The following ACSS3 variants were observed in gnomAD, a reference collection of about 807,000 sequenced individuals.
ACSS3 encodes acyl-CoA synthetase short chain family member 3.
In ACSS3, 64 loss-of-function variants were observed where a neutral mutation model predicts 84.2. The observed-to-expected ratio is 0.76, with a 90% CI of 0.62 to 0.94. The LOEUF (loss-of-function observed/expected upper bound fraction) is 0.94. Ranked by LOEUF, ACSS3 falls within the 40% of genes least tolerant of loss-of-function variation. The probability of loss-of-function intolerance (pLI) is 0.00; values close to 1 mark genes in which losing one functional copy is unlikely to be tolerated. For synonymous variants in ACSS3, 317 were observed against 310.1 expected, an observed-to-expected ratio of 1.02 and a Z score of -0.23; for missense variants, 815 against 867.6, an observed-to-expected ratio of 0.94 and a Z score of 0.76.
intron 7 of ACSS3, among the ~76,000 whole-genome samples, chr12:81,166,148 T>A (rs1051386863): frequency 3.3e-5 from 5 of 152,160 alleles, no homozygotes; most frequent in African/African-American, 9.7e-5. Context: ...GGAAGTCCAA[T>A]TGGACTTGGA....
chr12:81,244,335 C>T (rs2033913186), intron 13 of ACSS3, among the ~76,000 whole-genome samples: 1 of 151,812 alleles, frequency 6.6e-6, no homozygotes, highest in Non-Finnish European at 1.5e-5. Context: ...GATATGCCTA[C>T]ATGTAGGATT....
chr12:81,168,471 C>T (rs1157878954), intron 7 of ACSS3, among the ~76,000 whole-genome samples: 1 of 152,136 alleles, frequency 6.6e-6, no homozygotes, highest in African/African-American at 2.4e-5. Flanking sequence ...GAGTCAGGAA[C>T]TCCGTATCTA....
intron 13 of ACSS3, among the ~76,000 whole-genome samples, chr12:81,238,812 T>C (rs912170856): frequency 6.6e-6 from 1 of 151,670 alleles, no homozygotes; most frequent in African/African-American, 2.4e-5. Flanking sequence ...GGAATAGCTT[T>C]TGGTTTTATG....
intron 2 of ACSS3, among the ~76,000 whole-genome samples, chr12:81,111,850 T>C (rs1337232784): frequency 1.3e-5 from 2 of 152,126 alleles, no homozygotes; most frequent in Admixed American, 6.6e-5. Context: ...TGTCTCCCTC[T>C]AGGATGCAAA....
At chr12:81,189,147 G>T (rs2031438384) in intron 8 of ACSS3, among the ~76,000 whole-genome samples, 1 of 151,994 alleles carries the variant, frequency 6.6e-6, no homozygotes, top group Non-Finnish European at 1.5e-5. Flanking sequence ...ATTCTTTTTT[G>T]ATTGTTTCTA....
chr12:81,247,395 T>C (rs993732837), intron 13 of ACSS3, among the ~76,000 whole-genome samples: 2 of 152,116 alleles, frequency 1.3e-5, no homozygotes, highest in South Asian at 4.1e-4. Flanking sequence ...GTTTTAATGC[T>C]TCTACTGAAA....
chr12:81,109,651 A>T lies in ACSS3; in HGVS notation c.403A>T (p.Ser135Cys), dbSNP rs746024523. ...GGATAAGATTGCTATCATCTATGAC[A>T]GTCCTGTTACAAACACTAAAGCAAC... ...KGDKIAIIYD[S>C]PVTNTKATFT... is the part of the protein sequence containing the mutation. Residue 135 changes from serine to cysteine, a missense_variant, in exon 2 of 16, where the codon AGT becomes TGT. Transcript: ENST00000548058. The T allele has an allele frequency of 1.1e-5, 18 of 1,611,506 alleles. No individual in the cohort carries two copies. The highest frequency in any genetic ancestry group is 1.5e-5 in the Non-Finnish European group (18 of 1,178,836).
chr12:81,220,095 A>G lies in ACSS3; in HGVS notation c.1514+19A>G. Reference sequence around the variant, plus strand: ...TGGTAAAGTAAGCAAAAATTTCAATACTACTATATTAAAGGGCAAAAACTG... The same window carrying G: ...TGGTAAAGTAAGCAAAAATTTCAATGCTACTATATTAAAGGGCAAAAACTG... On this transcript the variant is annotated intron_variant, in intron 11 of 15. Transcript: ENST00000548058. 6.6e-7 allele frequency: 1 copy of G among 1,504,842 alleles called. No homozygotes were observed. 93.2% of individuals were successfully genotyped at this position (1,504,842 alleles called of 1,614,324 possible).
chr12:81,113,207 T>C (rs983066171), intron 2 of ACSS3, among the ~76,000 whole-genome samples: 2 of 152,136 alleles, frequency 1.3e-5, no homozygotes, highest in Non-Finnish European at 1.5e-5. Flanking sequence ...TGTTATATTC[T>C]GTAGGAACAC....
At chr12:81,116,635 A>C (rs1017404635) in intron 2 of ACSS3, among the ~76,000 whole-genome samples, 1 of 152,078 alleles carries the variant, frequency 6.6e-6, no homozygotes, top group Non-Finnish European at 1.5e-5. Context: ...GGGTACCTAC[A>C]TGATCTTCCT....
intron 9 of ACSS3, chr12:81,199,724 G>A: frequency 7.5e-7 from 1 of 1,327,516 alleles, no homozygotes; most frequent in Non-Finnish European, 9.9e-7. Context: ...AAGTTACTAA[G>A]TCTCAGATTT....
chr12:81,203,416 CAAGTT>C (rs1358831252), intron 9 of ACSS3, among the ~76,000 whole-genome samples: 1 of 152,160 alleles, frequency 6.6e-6, no homozygotes, highest in Non-Finnish European at 1.5e-5. Context: ...TTAATTCAGT[CAAGTT>C]GACACCTAAA....
At chr12:81,240,922 G>A (rs2033779342) in intron 13 of ACSS3, among the ~76,000 whole-genome samples, 1 of 151,722 alleles carries the variant, frequency 6.6e-6, no homozygotes, top group African/African-American at 2.4e-5. Flanking sequence ...TGACATGCTG[G>A]TGCACTGCAC....
intron 11 of ACSS3, among the ~76,000 whole-genome samples, chr12:81,222,711 C>G (rs1019627833): frequency 6.6e-6 from 1 of 151,880 alleles, no homozygotes; most frequent in African/African-American, 2.4e-5. Context: ...TATGACAGTC[C>G]GCAAATCACT....
chr12:81,146,561 C>T (rs148686514), intron 5 of ACSS3, among the ~76,000 whole-genome samples: 1 of 152,286 alleles, frequency 6.6e-6, no homozygotes, highest in Admixed American at 6.5e-5. Flanking sequence ...TTTGTAGATA[C>T]ATTTAAAGCA....
intron 8 of ACSS3, among the ~76,000 whole-genome samples, chr12:81,182,989 A>G (rs1458829265): frequency 6.6e-6 from 1 of 152,140 alleles, no homozygotes; most frequent in South Asian, 2.1e-4. Context: ...TTCTCTCCCC[A>G]TACAGACCAC....
chr12:81,098,996 G>A (rs1882288551), intron 1 of ACSS3, among the ~76,000 whole-genome samples: 1 of 151,966 alleles, frequency 6.6e-6, no homozygotes, highest in Non-Finnish European at 1.5e-5. Context: ...ACAGTCTCTG[G>A]TCCAATCAAT....
intron 1 of ACSS3, among the ~76,000 whole-genome samples, chr12:81,107,065 T>C (rs1444129738): frequency 6.6e-6 from 1 of 151,964 alleles, no homozygotes; most frequent in Admixed American, 6.6e-5. Context: ...AGTAGAGATG[T>C]CCTGCAGACT....
intron 9 of ACSS3, among the ~76,000 whole-genome samples, chr12:81,202,357 T>A (rs1293694390): frequency 6.6e-6 from 1 of 151,990 alleles, no homozygotes; most frequent in African/African-American, 2.4e-5. Context: ...TGCTATCAAA[T>A]TGATGTTTGA....
Sources: allele counts gnomAD v4.1 joint callset (sites outside exome capture counted in the v4.1 genomes callset), GRCh38; gene constraint gnomAD v4.1.1; transcripts MANE v1.5; gene names NCBI Gene and HGNC (gene_info 2026-07-23, HGNC 2026-07-21).